ZNF469: variants seen among roughly 807,000 people sequenced by gnomAD.
ZNF469 encodes zinc finger protein 469.
A neutral mutation model predicts 1.0 loss-of-function variants in ZNF469; 1 was observed. That is an observed-to-expected ratio of 1.00 (90% CI 0.35 to 4.73). The LOEUF is 4.73. ZNF469 is among the 30% of genes most tolerant of loss of function. The pLI, the probability that ZNF469 is intolerant of heterozygous loss-of-function variation, is 0.16. For synonymous variants in ZNF469, 2,703 were observed against 2,363.4 expected, an observed-to-expected ratio of 1.14 and a Z score of -4.17; for missense variants, 6,100 against 5,356.3, an observed-to-expected ratio of 1.14 and a Z score of -4.33.
At chr16:88,153,354 A>G in the ZNF469 span, among the ~76,000 whole-genome samples, 1 of 152,124 alleles carries the variant, frequency 6.6e-6, no homozygotes, top group African/African-American at 2.4e-5. Context: ...ATGTAAAGCA[A>G]TGGGCTGGTC....
Position 88,438,353 on chromosome 16 carries a change from G to C in ZNF469, c.10883G>C (p.Gly3628Ala). Residue 3628 changes from glycine (G) to alanine (A), a missense_variant, in exon 3 of 3, where the codon GGT becomes GCT. Transcript: ENST00000565624. Reference protein sequence around the residue: ...LVFSGKRRAPGARGRCAPDHF... With the variant: ...LVFSGKRRAPAARGRCAPDHF... ...TTCTCAGGGAAACGCAGGGCCCCGG[G>C]TGCCCGTGGCAGGTGTGCCCCTGAC... is the stretch of plus-strand genomic sequence containing the variant. The C allele has an allele frequency of 1.3e-6, 2 of 1,550,226 alleles. No individual in the cohort carries two copies. The highest frequency in any genetic ancestry group is 4.9e-5 in the East Asian group (2 of 40,890).
chr16:88,386,643 C>G (rs138532747), intron 1 of ZNF469, among the ~76,000 whole-genome samples: 156 of 152,324 alleles, frequency 1.0e-3, no homozygotes, highest in African/African-American at 3.6e-3. Flanking sequence ...TGATTCCTTT[C>G]CAGACACAGC....
At chr16:88,344,030 G>A in the ZNF469 span, among the ~76,000 whole-genome samples, 1 of 152,054 alleles carries the variant, frequency 6.6e-6, no homozygotes, top group Admixed American at 6.6e-5. Context: ...CACCCCTGGG[G>A]TCTCTGTCCC....
At chr16:88,184,457 G>C in the ZNF469 span, among the ~76,000 whole-genome samples, 5 of 151,826 alleles carry the variant, frequency 3.3e-5, no homozygotes, top group East Asian at 5.8e-4. Context: ...AATTTTTCTT[G>C]GCCACATCGT....
rs770014757 is a variant in ZNF469, at chr16:88,437,954, G to T, written c.10484G>T (p.Gly3495Val). 1.2e-5 allele frequency: 18 copies of T among 1,543,758 alleles called. No homozygotes were observed. The highest frequency in any genetic ancestry group is 1.6e-5 in the Non-Finnish European group (18 of 1,144,568). The change falls in exon 3 of 3, where the codon GGA becomes GTA. Residue 3495 changes from glycine to valine, a missense_variant. By Grantham distance (109) the Gly-to-Val change is moderately radical. Transcript: ENST00000565624. ...GPGEDRPPPR[G>V]SSPILSEGSL... ...GGCGAGGACAGGCCTCCTCCCCGGG[G>T]AAGCAGCCCCATCCTGAGTGAGGGC...
chr16:88,278,377 C>CGGTTAGT, the ZNF469 span, among the ~76,000 whole-genome samples: 1 of 54,118 alleles, frequency 1.8e-5, no homozygotes, highest in African/African-American at 6.4e-5. Flanking sequence ...TATCAGTGCA[C>CGGTTAGT]GGTTAGTGCT....
At chr16:88,193,124 TGGTGG>T in the ZNF469 span, among the ~76,000 whole-genome samples, 7 of 77,754 alleles carry the variant, frequency 9.0e-5, no homozygotes, top group African/African-American at 2.0e-4. Flanking sequence ...GTGATGGTGG[TGGTGG>T]TGATGGTGGT....
the ZNF469 span, among the ~76,000 whole-genome samples, chr16:88,261,458 G>A: frequency 1.3e-5 from 2 of 152,266 alleles, no homozygotes; most frequent in East Asian, 1.9e-4. This position sits in a 1 kb window ranked among gnomAD's most constrained non-coding sequence, Gnocchi z 6.0. Context: ...TGCCAGAGGC[G>A]GGGGACTTGT....
the ZNF469 span, among the ~76,000 whole-genome samples, chr16:88,239,384 G>A: frequency 1.6e-4 from 25 of 151,976 alleles, no homozygotes; most frequent in African/African-American, 6.0e-4. Context: ...TATATAAAAG[G>A]TGCCAAGAAC....
the ZNF469 span, among the ~76,000 whole-genome samples, chr16:88,256,132 A>G: frequency 1.3e-5 from 2 of 152,120 alleles, no homozygotes; most frequent in South Asian, 4.1e-4. Context: ...AAAAATTTCT[A>G]ACAATATCTA....
the ZNF469 span, among the ~76,000 whole-genome samples, chr16:88,237,801 C>G: frequency 3.5e-4 from 52 of 147,386 alleles, no homozygotes; most frequent in Admixed American, 1.6e-3. Flanking sequence ...GCTCCCGCCA[C>G]TCACCCTCCC....
chr16:88,400,364 G>T (rs1048005311), intron 1 of ZNF469, among the ~76,000 whole-genome samples: 1 of 152,200 alleles, frequency 6.6e-6, no homozygotes, highest in African/African-American at 2.4e-5. Flanking sequence ...GGCCTACCAG[G>T]ACAACGGCTC....
the ZNF469 span, among the ~76,000 whole-genome samples, chr16:88,358,142 C>T: frequency 2.6e-5 from 4 of 152,332 alleles, no homozygotes; most frequent in Admixed American, 6.5e-5. Context: ...GGCCCCCAGC[C>T]GGCTTGCACT....
the ZNF469 span, among the ~76,000 whole-genome samples, chr16:88,127,584 A>C: frequency 6.6e-6 from 1 of 152,198 alleles, no homozygotes; most frequent in African/African-American, 2.4e-5. Context: ...AGATACGGCG[A>C]AACCATTTGT....
chr16:88,167,648 C>A, the ZNF469 span, among the ~76,000 whole-genome samples: 1 of 152,286 alleles, frequency 6.6e-6, no homozygotes, highest in South Asian at 2.1e-4. Context: ...GAGACCCAGC[C>A]CCGGGGGAAG....
At chr16:88,208,850 A>C in the ZNF469 span, among the ~76,000 whole-genome samples, 1 of 147,900 alleles carries the variant, frequency 6.8e-6, no homozygotes, top group East Asian at 2.0e-4. Context: ...TACATGAGCC[A>C]CGAGCTCCCA....
At chr16:88,312,316 T>C in the ZNF469 span, among the ~76,000 whole-genome samples, 1 of 152,244 alleles carries the variant, frequency 6.6e-6, no homozygotes, top group African/African-American at 2.4e-5. Context: ...AGGCTCAGCC[T>C]GTTCTCATGT....
At chr16:88,342,338 AG>A in the ZNF469 span, among the ~76,000 whole-genome samples, 6 of 152,152 alleles carry the variant, frequency 3.9e-5, no homozygotes, top group African/African-American at 1.4e-4. Flanking sequence ...CAGGAACCTC[AG>A]GAAGATCTCA....
Position 88,432,216 on chromosome 16 carries a change from T to C in ZNF469, c.4746T>C (p.Arg1582=), listed in dbSNP as rs1389618611. ...AGCTGCAAAGGAGCAAAGACACACG[T>C]GGGGCCCCGAGAGAGCTTGCAGAAG... The part of the protein sequence containing the change: ...ESQLQRSKDT[R]GAPRELAEAE... The change falls in exon 3 of 3, where the codon CGT becomes CGC. Residue 1582 remains arginine, a synonymous_variant. Coordinates refer to ENST00000565624, the MANE Select transcript of ZNF469 (RefSeq NM_001367624.2). The C allele has an allele frequency of 6.5e-7, 1 of 1,549,844 alleles. No individual in the cohort carries two copies. Among genetic ancestry groups the C allele is most frequent in the Non-Finnish European group, 8.7e-7 (1 of 1,146,990 alleles).
Sources: gnomAD v4.1 joint callset for allele counts (sites outside exome capture counted in the v4.1 genomes callset) on GRCh38, gnomAD v4.1.1 for gene constraint, Gnocchi (gnomAD v3.1) non-coding constraint, MANE v1.5 for transcripts, NCBI Gene and HGNC (gene_info 2026-07-23, HGNC 2026-07-21) for gene names.